The following NAV2 variants were observed in gnomAD, a reference collection of about 807,000 sequenced individuals.
The protein encoded by NAV2 is helicase, APC down-regulated 1.
In NAV2, 54 loss-of-function variants were observed where a neutral mutation model predicts 223.2. The observed-to-expected ratio is 0.24, with a 90% CI of 0.19 to 0.30. The LOEUF is 0.30. Among genes scored for constraint, NAV2 ranks in the 10% least tolerant of loss-of-function variants. The pLI is 1.00. For synonymous variants in NAV2, 1,279 were observed against 1,239.3 expected, an observed-to-expected ratio of 1.03 and a Z score of -0.67; for missense variants, 2,806 against 3,147.5, an observed-to-expected ratio of 0.89 and a Z score of 2.60.
intron 3 of NAV2, among the ~76,000 whole-genome samples, chr11:19,867,954 T>C (rs2062195943): frequency 6.6e-6 from 1 of 152,150 alleles, no homozygotes; most frequent in Non-Finnish European, 1.5e-5. Context: ...GGAAATTGCT[T>C]GGAGTTGAAG....
At chr11:20,041,123 C>A (rs1252707245) in intron 12 of NAV2, among the ~76,000 whole-genome samples, 3 of 152,046 alleles carry the variant, frequency 2.0e-5, no homozygotes, top group South Asian at 2.1e-4. Flanking sequence ...GGTTGGGGAG[C>A]CTGCCAGTAT....
intron 10 of NAV2, 124 bp from the exon 11 acceptor site, chr11:19,984,001 G>A: frequency 1.6e-6 from 2 of 1,274,606 alleles, no homozygotes; most frequent in Non-Finnish European, 1.1e-6. Context: ...CAGAGCCTCA[G>A]GGAATCCTCC....
chr11:19,492,004 A>G (rs10766564), intron 1 of NAV2, among the ~76,000 whole-genome samples: 146,077 of 151,936 alleles, frequency 0.96, 70,491 homozygotes, highest in East Asian at 1. Context: ...ATGGGGAAAG[A>G]GCCATTCAAT....
At chr11:19,522,255 G>A (rs2043685035) in intron 1 of NAV2, among the ~76,000 whole-genome samples, 2 of 125,292 alleles carry the variant, frequency 1.6e-5, no homozygotes, top group South Asian at 5.0e-4. Flanking sequence ...AAGCCACATT[G>A]CACCCCTCAC....
chr11:19,936,391 CT>C (rs1241691662), intron 7 of NAV2, among the ~76,000 whole-genome samples: 2 of 151,946 alleles, frequency 1.3e-5, no homozygotes, highest in African/African-American at 4.8e-5. Context: ...AAGATATAAC[CT>C]TTTTTTATTT....
chr11:20,070,024 C>T lies in NAV2; in HGVS notation c.4983+1626C>T, dbSNP rs78837131. Among the ~76,000 whole-genome samples, 711 of 152,262 alleles carry T rather than the reference C, an allele frequency of 4.7e-3. 6 individuals are homozygous for T. The highest frequency in any genetic ancestry group is 0.016 in the African/African-American group (671 of 41,558). ...TCTTTGATTTTTTTAAAAACCCTAA[C>T]GTAGGAGACCACAACGTGTTTTGTA... On this transcript the variant is annotated intron_variant, in intron 22 of 37. Coordinates refer to ENST00000349880, the MANE Select transcript of NAV2 (RefSeq NM_145117.5).
intron 10 of NAV2, among the ~76,000 whole-genome samples, chr11:19,958,908 G>A (rs897942472): frequency 2.6e-5 from 4 of 152,204 alleles, no homozygotes; most frequent in Admixed American, 6.5e-5. Flanking sequence ...CAGAGTCCAC[G>A]CAGCAGAGCC....
At chr11:19,596,142 A>ATT (rs2046201478) in intron 1 of NAV2, among the ~76,000 whole-genome samples, 1 of 152,228 alleles carries the variant, frequency 6.6e-6, no homozygotes, top group African/African-American at 2.4e-5. Flanking sequence ...ATTCTATTTT[A>ATT]TAGGACAATG....
intron 1 of NAV2, among the ~76,000 whole-genome samples, chr11:19,726,916 G>A (rs1255754816): frequency 1.3e-5 from 2 of 152,188 alleles, no homozygotes; most frequent in Non-Finnish European, 2.9e-5. Context: ...ACAAAGTACT[G>A]TCGCCACCTC....
At chr11:19,747,693 C>G (rs918096355) in intron 1 of NAV2, among the ~76,000 whole-genome samples, 1 of 152,220 alleles carries the variant, frequency 6.6e-6, no homozygotes, top group Non-Finnish European at 1.5e-5. Context: ...CTCCCCCTGA[C>G]TATCTTTAGG....
At chr11:19,348,953 C>A (rs534058626), upstream of NAV2, among the ~76,000 whole-genome samples, 10 of 152,318 alleles carry the variant, frequency 6.6e-5, no homozygotes, top group East Asian at 1.9e-3. Flanking sequence ...TGGTCTGCAG[C>A]TGAAAAGAAT....
intron 1 of NAV2, among the ~76,000 whole-genome samples, chr11:19,609,742 A>C (rs1001571194): frequency 1.3e-5 from 2 of 152,182 alleles, no homozygotes; most frequent in Admixed American, 6.5e-5. Flanking sequence ...AATTGAACAA[A>C]TGATTATTGG....
chr11:19,927,124 G>GA (rs796335370), intron 6 of NAV2, among the ~76,000 whole-genome samples: 27 of 152,142 alleles, frequency 1.8e-4, no homozygotes, highest in Admixed American at 5.2e-4. Context: ...TAAACTCCGA[G>GA]AAAAAAAATT....
At chr11:19,541,367 A>T (rs566850971) in intron 1 of NAV2, among the ~76,000 whole-genome samples, 1 of 152,254 alleles carries the variant, frequency 6.6e-6, no homozygotes, top group South Asian at 2.1e-4. Context: ...GAAAGGAGAG[A>T]CAGAATGGCT....
chr11:20,103,279 C>A lies in NAV2; in HGVS notation c.6442C>A (p.Leu2148Ile), dbSNP rs1189812699. Reference sequence around the variant, plus strand: ...GGAATTGCGCCAGTACCTGTCCAACCTTGCTGACCAGTGCAACAGTGAGAA... The same window carrying A: ...GGAATTGCGCCAGTACCTGTCCAACATTGCTGACCAGTGCAACAGTGAGAA... The part of the protein sequence containing the change: ...SKELRQYLSN[L>I]ADQCNSENNA... Residue 2148 changes from leucine (L) to isoleucine (I), a missense_variant, in exon 33 of 38, where the codon CTT becomes ATT. By Grantham distance (5) the Leu-to-Ile change is conservative. Coordinates refer to ENST00000349880, the MANE Select transcript of NAV2 (RefSeq NM_145117.5). 1.2e-6 allele frequency: 2 copies of A among 1,613,926 alleles called. No homozygotes were observed. The highest frequency in any genetic ancestry group is 4.5e-5 in the East Asian group (2 of 44,888).
intron 1 of NAV2, among the ~76,000 whole-genome samples, chr11:19,637,101 A>T (rs1433507283): frequency 6.6e-6 from 1 of 152,146 alleles, no homozygotes; most frequent in Non-Finnish European, 1.5e-5. Flanking sequence ...GGGAAGCCTC[A>T]CTACTTCCCA....
intron 1 of NAV2, among the ~76,000 whole-genome samples, chr11:19,601,146 C>T (rs1400828182): frequency 6.6e-6 from 1 of 152,196 alleles, no homozygotes; most frequent in African/African-American, 2.4e-5. Flanking sequence ...GGATGAGTTA[C>T]CCAAAGCCTA....
At chr11:19,490,435 A>G (rs2042587624) in intron 1 of NAV2, among the ~76,000 whole-genome samples, 1 of 152,190 alleles carries the variant, frequency 6.6e-6, no homozygotes, top group Admixed American at 6.5e-5. Flanking sequence ...AATATTCTAA[A>G]TCCTTTGTTG....
At chr11:19,640,437 T>C (rs1047002213) in intron 1 of NAV2, among the ~76,000 whole-genome samples, 3 of 151,530 alleles carry the variant, frequency 2.0e-5, no homozygotes, top group South Asian at 2.1e-4. Flanking sequence ...ATACTACATA[T>C]ACATAAATAC....
Sources: allele counts gnomAD v4.1 joint callset (sites outside exome capture counted in the v4.1 genomes callset), GRCh38; gene constraint gnomAD v4.1.1; transcripts MANE v1.5; gene names NCBI Gene and HGNC (gene_info 2026-07-23, HGNC 2026-07-21).